The following TCF7L1 variants were observed in gnomAD, a reference collection of about 807,000 sequenced individuals.
TCF7L1 encodes the protein transcription factor 7-like 1.
Under a neutral mutation model 63.7 loss-of-function variants are expected in TCF7L1, and 18 were observed. The ratio of observed to expected loss-of-function variants is 0.28; its 90% CI spans 0.20 to 0.42. The LOEUF is 0.42. Ranked by LOEUF, TCF7L1 falls within the 10% of genes least tolerant of loss-of-function variation. The pLI, the probability that TCF7L1 is intolerant of heterozygous loss-of-function variation, is 1.00. For missense variants in TCF7L1, 654 were observed against 779.3 expected (o/e 0.84, Z 1.91); for synonymous variants, 355 against 340.9 (o/e 1.04, Z -0.46).
At position 85,303,980 on chromosome 2, in the gene TCF7L1, C is replaced by T. The variant is rs1419665066; in HGVS notation, c.744C>T (p.Leu248=). Residue 248 remains leucine, a synonymous_variant, in exon 6 of 12, where the codon CTC becomes CTT. Coordinates refer to ENST00000282111, the MANE Select transcript of TCF7L1 (RefSeq NM_031283.3). The stretch of plus-strand genomic sequence containing the variant: ...CTGTCGGACAAATCCCCCACCCCCT[C>T]GGCTGGCTCGTCCCACAGTAAGGAA... ...PGAVGQIPHP[L]GWLVPQQGQP... 4 of 1,609,030 alleles carry T rather than the reference C, an allele frequency of 2.5e-6. No individual in the cohort carries two copies. The highest frequency in any genetic ancestry group is 1.7e-5 in the Admixed American group (1 of 59,550).
At chr2:85,300,434 A>T (rs73943086) in intron 4 of TCF7L1, among the ~76,000 whole-genome samples, 17,081 of 152,258 alleles carry the variant, frequency 0.11, 1,158 homozygotes, top group South Asian at 0.21. Context: ...AGGTGAAAAC[A>T]GTAAGAAGAC....
intron 3 of TCF7L1, among the ~76,000 whole-genome samples, chr2:85,255,637 G>A (rs75823336): frequency 5.3e-5 from 8 of 152,314 alleles, no homozygotes; most frequent in South Asian, 2.1e-4. Context: ...CCTGCCTAAG[G>A]CTGCCCTCTG....
At chr2:85,256,370 C>T (rs1389934084) in intron 3 of TCF7L1, among the ~76,000 whole-genome samples, 2 of 152,234 alleles carry the variant, frequency 1.3e-5, no homozygotes, top group African/African-American at 4.8e-5. Flanking sequence ...TCCAAATCCA[C>T]AGGCTCTTTC....
intron 3 of TCF7L1, among the ~76,000 whole-genome samples, chr2:85,202,850 T>G (rs1414052597): frequency 6.6e-6 from 1 of 152,210 alleles, no homozygotes; most frequent in African/African-American, 2.4e-5. Flanking sequence ...TTCTTTTTTT[T>G]TGAGACAGAG....
chr2:85,236,640 G>A (rs1436693300), intron 3 of TCF7L1, among the ~76,000 whole-genome samples: 1 of 152,140 alleles, frequency 6.6e-6, no homozygotes, highest in Non-Finnish European at 1.5e-5. Context: ...AGCCTTGCCG[G>A]GGATCAGTTA....
chr2:85,205,780 CAA>C (rs1173411360), intron 3 of TCF7L1, among the ~76,000 whole-genome samples: 1 of 152,212 alleles, frequency 6.6e-6, no homozygotes, highest in East Asian at 1.9e-4. Context: ...CTTGGCCTCC[CAA>C]AGTGTTGGGA....
intron 3 of TCF7L1, among the ~76,000 whole-genome samples, chr2:85,242,520 G>T (rs1293942717): frequency 6.6e-6 from 1 of 152,204 alleles, no homozygotes; most frequent in African/African-American, 2.4e-5. Context: ...TGACCTAGAC[G>T]CTGCACCCGG....
chr2:85,190,013 C>G (rs1679010965), intron 3 of TCF7L1, among the ~76,000 whole-genome samples: 1 of 152,192 alleles, frequency 6.6e-6, no homozygotes, highest in African/African-American at 2.4e-5. Flanking sequence ...TTCAGGGCTG[C>G]TAGGGCTTAT....
chr2:85,185,589 T>C (rs1296625315), intron 3 of TCF7L1, among the ~76,000 whole-genome samples: 1 of 152,112 alleles, frequency 6.6e-6, no homozygotes, highest in Non-Finnish European at 1.5e-5. Context: ...CTTGTTTATG[T>C]GGCCCAGCTC....
chr2:85,190,066 T>C (rs1294532614), intron 3 of TCF7L1, among the ~76,000 whole-genome samples: 1 of 152,220 alleles, frequency 6.6e-6, no homozygotes. Context: ...GTACACCTCT[T>C]GGAGCCCCTG....
chr2:85,183,752 T>C (rs1386052058), intron 3 of TCF7L1, among the ~76,000 whole-genome samples: 1 of 152,122 alleles, frequency 6.6e-6, no homozygotes, highest in Non-Finnish European at 1.5e-5. Flanking sequence ...AGTGAGGACT[T>C]AGTGCAGACT....
chr2:85,256,948 A>C (rs1573012836), intron 3 of TCF7L1, among the ~76,000 whole-genome samples: 2 of 151,800 alleles, frequency 1.3e-5, no homozygotes, highest in Non-Finnish European at 1.5e-5. Context: ...GCACCATTGC[A>C]CTCCAGCCTG....
At chr2:85,230,847 A>T (rs947432073) in intron 3 of TCF7L1, among the ~76,000 whole-genome samples, 1 of 152,196 alleles carries the variant, frequency 6.6e-6, no homozygotes, top group Non-Finnish European at 1.5e-5. Context: ...GGCTGCATAC[A>T]CGTTGCCAGA....
At chr2:85,269,456 ATTTTG>A (rs1302975322) in intron 3 of TCF7L1, among the ~76,000 whole-genome samples, 3 of 152,140 alleles carry the variant, frequency 2.0e-5, no homozygotes, top group African/African-American at 7.2e-5. Flanking sequence ...TGTATTTATA[ATTTTG>A]TTTGTTTGGC....
intron 3 of TCF7L1, among the ~76,000 whole-genome samples, chr2:85,156,242 C>T (rs767462117): frequency 2.6e-5 from 4 of 152,230 alleles, no homozygotes; most frequent in South Asian, 4.1e-4. Context: ...GCCTCATTCA[C>T]CAAGCTCTGC....
intron 4 of TCF7L1, among the ~76,000 whole-genome samples, chr2:85,289,260 AT>A (rs1464996843): frequency 6.7e-6 from 1 of 149,740 alleles, no homozygotes; most frequent in East Asian, 1.9e-4. Flanking sequence ...GTGTATACTT[AT>A]AACTTGCTCT....
At chr2:85,202,618 A>T (rs1235285057) in intron 3 of TCF7L1, among the ~76,000 whole-genome samples, 4 of 152,204 alleles carry the variant, frequency 2.6e-5, no homozygotes, top group Non-Finnish European at 1.5e-5. Flanking sequence ...TAATTTTTAC[A>T]TACAGTGTTA....
At chr2:85,219,285 G>A (rs981131242) in intron 3 of TCF7L1, among the ~76,000 whole-genome samples, 5 of 152,164 alleles carry the variant, frequency 3.3e-5, no homozygotes, top group African/African-American at 1.2e-4. Flanking sequence ...GTGTTGGCGA[G>A]GATGTTTGTT....
intron 3 of TCF7L1, among the ~76,000 whole-genome samples, chr2:85,256,255 G>C (rs1680715727): frequency 6.6e-6 from 1 of 151,878 alleles, no homozygotes. Context: ...CGCGCCGAAG[G>C]CTGCTCTTTG....
Sources: allele counts gnomAD v4.1 joint callset (sites outside exome capture counted in the v4.1 genomes callset), GRCh38; gene constraint gnomAD v4.1.1; transcripts MANE v1.5; gene names NCBI Gene and HGNC (gene_info 2026-07-23, HGNC 2026-07-21).